BCL2L13: variants seen among roughly 807,000 people sequenced by gnomAD.
The protein encoded by BCL2L13 is BCL2 like 13, also known as bcl-2-like protein 13.
A neutral mutation model predicts 25.8 loss-of-function variants in BCL2L13; 13 were observed. The ratio of observed to expected loss-of-function variants is 0.50; its 90% CI spans 0.33 to 0.80. The LOEUF (loss-of-function observed/expected upper bound fraction) is 0.80, where lower values mean the gene tolerates loss of function less well. Ranked by LOEUF, BCL2L13 falls within the 30% of genes least tolerant of loss-of-function variation. The probability of loss-of-function intolerance (pLI) is 0.02; values close to 1 mark genes in which losing one functional copy is unlikely to be tolerated. For synonymous variants in BCL2L13, 244 were observed against 230.3 expected, an observed-to-expected ratio of 1.06 and a Z score of -0.54; for missense variants, 504 against 574.9, an observed-to-expected ratio of 0.88 and a Z score of 1.26.
chr22:17,628,929 TC>T, exon 1 of BCL2L13: 1 of 501,662 alleles, frequency 2.0e-6, no homozygotes, highest in Admixed American at 3.2e-5. Context: ...TAAACTGGGA[TC>T]TTGGGTAGGA....
At chr22:17,651,046 T>G (rs2058666358) in intron 1 of BCL2L13, among the ~76,000 whole-genome samples, 1 of 137,194 alleles carries the variant, frequency 7.3e-6, no homozygotes, top group Non-Finnish European at 1.5e-5. Context: ...CAGGCTGGAG[T>G]GCAGTGGCGC....
intron 6 of BCL2L13, among the ~76,000 whole-genome samples, chr22:17,715,627 A>C (rs561074318): frequency 6.6e-6 from 1 of 152,202 alleles, no homozygotes; most frequent in African/African-American, 2.4e-5. Context: ...CCAGGAGCTT[A>C]GAGTTATAAG....
intron 2 of BCL2L13, among the ~76,000 whole-genome samples, chr22:17,663,834 T>G (rs2059150937): frequency 6.7e-6 from 1 of 149,994 alleles, no homozygotes; most frequent in African/African-American, 2.5e-5. Context: ...TTACAGATGC[T>G]TGCCACCACG....
At chr22:17,630,321 C>T (rs902975466) in intron 1 of BCL2L13, among the ~76,000 whole-genome samples, 1 of 151,610 alleles carries the variant, frequency 6.6e-6, no homozygotes, top group Non-Finnish European at 1.5e-5. Flanking sequence ...ACTCTGTCGC[C>T]CAGGCTGCAG....
rs146153316 is a variant in BCL2L13 at position 17,719,266 on chromosome 22, A to G, written c.601-7411A>G. ...TGAATTACACGTCATTCTAAAGAAA[A>G]TGTACAAATGGCCAATTAGCACATG... is the stretch of plus-strand genomic sequence containing the variant. On this transcript the variant is annotated intron_variant, in intron 6 of 6. Coordinates refer to ENST00000317582, the MANE Select transcript of BCL2L13 (RefSeq NM_015367.4). 6.8e-3 allele frequency among the ~76,000 whole-genome samples: 1,040 copies of G among 152,218 alleles called. 20 individuals carry two copies. Among genetic ancestry groups the G allele is most frequent in the Admixed American group, 0.036 (545 of 15,288 alleles).
intron 1 of BCL2L13, among the ~76,000 whole-genome samples, chr22:17,631,765 AG>A (rs893430526): frequency 1.7e-5 from 2 of 118,528 alleles, no homozygotes; most frequent in African/African-American, 6.7e-5. Context: ...ATTGTTGCCC[AG>A]GCTGGAGTGC....
intron 5 of BCL2L13, among the ~76,000 whole-genome samples, chr22:17,699,855 A>G (rs2060379411): frequency 6.6e-6 from 1 of 152,168 alleles, no homozygotes; most frequent in Non-Finnish European, 1.5e-5. Flanking sequence ...GAATTAACTC[A>G]TGGAGCTTTG....
At chr22:17,713,738 G>T (rs1421951279) in intron 6 of BCL2L13, among the ~76,000 whole-genome samples, 1 of 151,612 alleles carries the variant, frequency 6.6e-6, no homozygotes, top group African/African-American at 2.4e-5. Context: ...GGGATTACAG[G>T]CATGAGCCAC....
rs140307474 is a variant in BCL2L13, at chr22:17,700,728, T to C, written c.457-1515T>C. Among the ~76,000 whole-genome samples the C allele has an allele frequency of 9.8e-3, 1,497 of 152,310 alleles. 32 individuals carry two copies. Among genetic ancestry groups the C allele is most frequent in the African/African-American group, 0.033 (1,390 of 41,560 alleles). ...TAGCCCTATACTACTCCATCATTGT[T>C]AAGAAGGAGTTTTCAATATATTTTG... On this transcript the variant is annotated intron_variant, in intron 5 of 6. Coordinates refer to ENST00000317582, the MANE Select transcript of BCL2L13 (RefSeq NM_015367.4).
Position 17,661,242 on chromosome 22 carries a change from G to A in BCL2L13, c.121+5410G>A, listed in dbSNP as rs185612295. Among the ~76,000 whole-genome samples, 208 of 145,542 alleles carry A rather than the reference G, an allele frequency of 1.4e-3. 8 individuals are homozygous for A. Among genetic ancestry groups the A allele is most frequent in the African/African-American group, 4.7e-3 (194 of 41,130 alleles). On this transcript the variant is annotated intron_variant, in intron 2 of 6. Transcript: ENST00000317582. ...CAAGTAGCTGGGATTACAGGCGCCCGCCACTGCCCCTGGCTAATTTTTGTA... is the reference window on the plus strand; with the variant it reads ...CAAGTAGCTGGGATTACAGGCGCCCACCACTGCCCCTGGCTAATTTTTGTA...
At chr22:17,652,900 T>TA (rs1334034000) in intron 1 of BCL2L13, among the ~76,000 whole-genome samples, 1 of 151,564 alleles carries the variant, frequency 6.6e-6, no homozygotes, top group Non-Finnish European at 1.5e-5. Context: ...CTGTCTCTAC[T>TA]AAAAAATACA....
intron 1 of BCL2L13, among the ~76,000 whole-genome samples, chr22:17,653,495 A>ATTTTTT (rs34652783): frequency 9.0e-6 from 1 of 110,716 alleles, no homozygotes. Context: ...CTCCAGTATG[A>ATTTTTT]TTTTTTTTTT....
chr22:17,690,486 A>G (rs1305757449), intron 4 of BCL2L13, among the ~76,000 whole-genome samples: 2 of 152,168 alleles, frequency 1.3e-5, no homozygotes, highest in Non-Finnish European at 1.5e-5. Flanking sequence ...AAACAGTGAA[A>G]TGAAATCGTA....
At chr22:17,725,153 C>T (rs1771087549) in intron 6 of BCL2L13, among the ~76,000 whole-genome samples, 1 of 152,226 alleles carries the variant, frequency 6.6e-6, no homozygotes, top group South Asian at 2.1e-4. Context: ...CAGCATTTCT[C>T]CATTCTGTCT....
intron 1 of BCL2L13, among the ~76,000 whole-genome samples, chr22:17,648,422 A>C (rs2058567796): frequency 6.6e-6 from 1 of 151,986 alleles, no homozygotes; most frequent in African/African-American, 2.4e-5. Flanking sequence ...TTGGGGCCAG[A>C]TATGGTGGCT....
At chr22:17,652,306 A>G (rs1031238808) in intron 1 of BCL2L13, among the ~76,000 whole-genome samples, 13 of 152,134 alleles carry the variant, frequency 8.5e-5, no homozygotes, top group African/African-American at 9.7e-5. Context: ...CCAAAGTGCT[A>G]GGATTACAGA....
At chr22:17,717,204 A>G (rs1372700083) in intron 6 of BCL2L13, among the ~76,000 whole-genome samples, 1 of 152,004 alleles carries the variant, frequency 6.6e-6, no homozygotes, top group African/African-American at 2.4e-5. Context: ...ACAGTGGCTC[A>G]CACCTATAAT....
rs1163531736 is a variant in BCL2L13, at chr22:17,730,581, TAA to T, written c.*3048_*3049del. On this transcript the variant is annotated 3_prime_UTR_variant, in exon 7 of 7. Transcript: ENST00000317582. ...GGACATTTCAGTGTTTGAATTATTTTAAGAGATGTTTTATAGAAATAAAACGT... is the reference window on the plus strand; with the variant it reads ...GGACATTTCAGTGTTTGAATTATTTTGAGATGTTTTATAGAAATAAAACGT... The T allele has an allele frequency of 4.6e-5, 7 of 152,356 alleles. No individual in the cohort carries two copies. The highest frequency in any genetic ancestry group is 3.9e-4 in the East Asian group (2 of 5,190). 9.4% of individuals were successfully genotyped at this position (152,356 alleles called of 1,614,324 possible). A position where few individuals can be genotyped will look rare whatever the true frequency, so the allele number is the denominator to read the frequency against.
Position 17,679,932 on chromosome 22 carries a change from G to A in BCL2L13, c.122-3282G>A, listed in dbSNP as rs185063279. On this transcript the variant is annotated intron_variant, in intron 2 of 6. Transcript: ENST00000317582. ...GACAAGGCTATATTAAGACTTATGG[G>A]CCAGGCACGGTGGCTCACGCCTGTA... Among the ~76,000 whole-genome samples, 466 of 152,172 alleles carry A rather than the reference G, an allele frequency of 3.1e-3. 6 individuals are homozygous for A. Among genetic ancestry groups the A allele is most frequent in the African/African-American group, 0.01 (432 of 41,504 alleles).
Sources: gnomAD v4.1 joint callset for allele counts (sites outside exome capture counted in the v4.1 genomes callset) on GRCh38, gnomAD v4.1.1 for gene constraint, MANE v1.5 for transcripts, NCBI Gene and HGNC (gene_info 2026-07-23, HGNC 2026-07-21) for gene names.